NSD2: variants seen among roughly 807,000 people sequenced by gnomAD.
NSD2 encodes histone-lysine N-methyltransferase NSD2.
In NSD2, 12 loss-of-function variants were observed where a neutral mutation model predicts 139.0. That is an observed-to-expected ratio of 0.09 (90% CI 0.06 to 0.14). The LOEUF is 0.14. Ranked by LOEUF, NSD2 falls within the 10% of genes least tolerant of loss-of-function variation. The pLI is 1.00. For missense variants in NSD2, 1,155 were observed against 1,745.0 expected (o/e 0.66, Z 6.02); for synonymous variants, 669 against 648.7 (o/e 1.03, Z -0.48).
rs924326987 is a variant in NSD2, at chr4:1,974,095, C to T, written c.3373-768C>T. Among the ~76,000 whole-genome samples, 1 of 152,206 alleles carries T rather than the reference C, an allele frequency of 6.6e-6. No homozygotes were observed. Among genetic ancestry groups the T allele is most frequent in the African/African-American group, 2.4e-5 (1 of 41,452 alleles). On this transcript the variant is annotated intron_variant, in intron 18 of 21. Coordinates refer to ENST00000508803, the MANE Select transcript of NSD2 (RefSeq NM_001042424.3). The surrounding 1 kb of genome is among the most constrained non-coding windows in gnomAD (Gnocchi z 4.0). ...CTCATCTCAGCCAACGCCACATCAG[C>T]GCCATGGGTGCAAAGTCAGAGCTCA...
intron 1 of NSD2, among the ~76,000 whole-genome samples, chr4:1,876,784 A>C (rs1289673345): frequency 6.6e-6 from 1 of 152,106 alleles, no homozygotes; most frequent in Non-Finnish European, 1.5e-5. Context: ...TTGGAACCTC[A>C]ATTTTTAAGT....
chr4:1,880,786 C>T (rs538708974), intron 1 of NSD2, among the ~76,000 whole-genome samples: 1 of 152,190 alleles, frequency 6.6e-6, no homozygotes, highest in South Asian at 2.1e-4. Flanking sequence ...ATGAAGGGGA[C>T]TGATGACAAG....
At chr4:1,916,736 A>G in intron 3 of NSD2, 135 bp from the exon 4 acceptor site, 1 of 737,332 alleles carries the variant, frequency 1.4e-6, no homozygotes, top group Non-Finnish European at 2.2e-6. Flanking sequence ...GGAAGGGATA[A>G]GAAGTATAGA....
intron 18 of NSD2, among the ~76,000 whole-genome samples, chr4:1,962,399 A>C (rs558647865): frequency 1.3e-5 from 2 of 152,354 alleles, no homozygotes; most frequent in South Asian, 4.1e-4. Context: ...TAATTTGGAC[A>C]GGAGGCTGTT....
chr4:1,961,287 A>C, intron 18 of NSD2, 136 bp downstream of exon 18: 1 of 722,464 alleles, frequency 1.4e-6, no homozygotes, highest in Non-Finnish European at 2.3e-6. Context: ...ACATCTGCAC[A>C]TTTTCTTCTG....
At chr4:1,896,755 TTTCC>T (rs1478919045) in intron 1 of NSD2, among the ~76,000 whole-genome samples, 1 of 150,624 alleles carries the variant, frequency 6.6e-6, no homozygotes, top group African/African-American at 2.4e-5. Flanking sequence ...TCTTTCTTTC[TTTCC>T]TTCTTTCTTC....
chr4:1,889,773 C>G, intron 1 of NSD2, among the ~76,000 whole-genome samples: 1 of 151,998 alleles, frequency 6.6e-6, no homozygotes, highest in Non-Finnish European at 1.5e-5. Context: ...TCCCAAAGTG[C>G]TGGGATTACA....
Position 1,891,339 on chromosome 4 carries a change from T to G in NSD2, c.-29-9287T>G, listed in dbSNP as rs549681950. Among the ~76,000 whole-genome samples the G allele has an allele frequency of 5.9e-5, 9 of 152,332 alleles. No homozygotes were observed. In the East Asian group the frequency reaches 1.3e-3, roughly 23 times the overall value. ...GTAAATCATATTTGCAAACTTGGGTTTTCCATTTCAGTCTTTTCCGCCCCC... is the reference window on the plus strand; with the variant it reads ...GTAAATCATATTTGCAAACTTGGGTGTTCCATTTCAGTCTTTTCCGCCCCC... On this transcript the variant is annotated intron_variant, in intron 1 of 21. Coordinates refer to ENST00000508803, the MANE Select transcript of NSD2 (RefSeq NM_001042424.3).
chr4:1,967,573 G>A (rs1475022435), intron 18 of NSD2, among the ~76,000 whole-genome samples: 1 of 149,462 alleles, frequency 6.7e-6, no homozygotes, highest in Non-Finnish European at 1.5e-5. Context: ...GCGAGACTTT[G>A]TCTCAAAAAA....
rs982293563 is a variant in NSD2 at position 1,981,884 on chromosome 4, G to A, written c.*2975G>A. On this transcript the variant is annotated 3_prime_UTR_variant, in exon 22 of 22. Transcript: ENST00000508803. Reference sequence around the variant, plus strand: ...AGTAGAGTAAAATGCTGTGTCCACGGGGTGTCACAGCCTCACCATACCCTG... The same window carrying A: ...AGTAGAGTAAAATGCTGTGTCCACGAGGTGTCACAGCCTCACCATACCCTG... The A allele has an allele frequency of 3.5e-5, 14 of 398,508 alleles. No individual in the cohort carries two copies. 24.7% of individuals were successfully genotyped at this position (398,508 alleles called of 1,614,324 possible).
chr4:1,901,351 G>T, intron 2 of NSD2, 100 bp downstream of exon 2: 1 of 1,087,040 alleles, frequency 9.2e-7, no homozygotes, highest in Non-Finnish European at 1.3e-6. Flanking sequence ...GGCGGAGAAG[G>T]TGAGGACAGG....
rs1056537644 is a variant in NSD2 at position 1,978,946 on chromosome 4, C to T, written c.*37C>T. On this transcript the variant is annotated 3_prime_UTR_variant, in exon 22 of 22. Coordinates refer to ENST00000508803, the MANE Select transcript of NSD2 (RefSeq NM_001042424.3). ...CGCTTGGCCGGATCCAGGGGCGGTGCAGGGCGGCCGGCCCTGCCTGCGGGA... is the reference window on the plus strand; with the variant it reads ...CGCTTGGCCGGATCCAGGGGCGGTGTAGGGCGGCCGGCCCTGCCTGCGGGA... 6.2e-6 allele frequency: 9 copies of T among 1,455,876 alleles called. No individual in the cohort carries two copies. In the African/African-American group the frequency reaches 1.3e-4, roughly 21 times the overall value. The allele number at this position is 1,455,876 out of a possible 1,614,324, so 90.2% of individuals were successfully genotyped here.
intron 3 of NSD2, 85 bp downstream of exon 3, chr4:1,904,463 A>G (rs965807227): frequency 1.4e-6 from 2 of 1,426,452 alleles, no homozygotes; most frequent in Admixed American, 2.2e-5. Flanking sequence ...TACTCTTTCT[A>G]AATAGCCCTG....
In NSD2 at chr4:1,973,891, C is replaced by T. The variant is rs183834501; in HGVS notation, c.3373-972C>T. 3.3e-5 allele frequency among the ~76,000 whole-genome samples: 5 copies of T among 152,322 alleles called. No individual in the cohort carries two copies. Among genetic ancestry groups the T allele is most frequent in the East Asian group, 1.9e-4 (1 of 5,176 alleles). ...ATCTGGCGGCTCCTCAGGTGGAGGC[C>T]GGGGCCGTCCATTCCCTGCTGCTGG... On this transcript the variant is annotated intron_variant, in intron 18 of 21. Transcript: ENST00000508803. This position sits in a 1 kb window ranked among gnomAD's most constrained non-coding sequence, Gnocchi z 5.5.
At position 1,971,899 on chromosome 4, in the gene NSD2, G is replaced by C. The variant is rs184075552; in HGVS notation, c.3373-2964G>C. Among the ~76,000 whole-genome samples, 517 of 152,342 alleles carry C rather than the reference G, an allele frequency of 3.4e-3. 1 individual carries two copies. The highest frequency in any genetic ancestry group is 0.012 in the African/African-American group (500 of 41,576). On this transcript the variant is annotated intron_variant, in intron 18 of 21. Transcript: ENST00000508803. The stretch of plus-strand genomic sequence containing the variant: ...ACTTCCCAAGAAACCAGGACTACAA[G>C]TATGCTTAGCTTGCTAAAAGACATC...
At position 1,953,446 on chromosome 4, in the gene NSD2, A is replaced by G; in HGVS notation, c.2260A>G (p.Ser754Gly). The G allele has an allele frequency of 6.2e-7, 1 of 1,614,108 alleles. No homozygotes were observed. Among genetic ancestry groups the G allele is most frequent in the Non-Finnish European group, 8.5e-7 (1 of 1,180,022 alleles). Residue 754 changes from serine to glycine, a missense_variant, in exon 12 of 22, where the codon AGC becomes GGC. Transcript: ENST00000508803. ...VKKYPLTVFESRGFRCPLHSC... is the reference protein window; with the variant it reads ...VKKYPLTVFEGRGFRCPLHSC... ...AAAATACCCTCTGACTGTATTTGAG[A>G]GCCGAGGTTTCCGCTGCCCCCTCCA... is the stretch of plus-strand genomic sequence containing the variant.
At chr4:1,899,472 T>G (rs188935057) in intron 1 of NSD2, 10 of 152,322 alleles carry the variant, frequency 6.6e-5, no homozygotes, top group Admixed American at 5.9e-4. Flanking sequence ...AACAAAATCC[T>G]CCCCATTTGA....
Position 1,938,383 on chromosome 4 carries a change from TTTTCCTTTTTTTCTTTTCTTTTTTTTTTC to T in NSD2, c.1675-63_1675-35del. ...TCCTTTTGTTGTTCTTTTTCTTTTT[TTTTCCTTTTTTTCTTTTCTTTTTTTTTTC>T]TTTCTTTTTTTTTTTTTTTTTTTTT... On this transcript the variant is annotated intron_variant, in intron 7 of 21. Transcript: ENST00000508803. 8.8e-6 allele frequency: 11 copies of T among 1,256,898 alleles called. No homozygotes were observed. The Admixed American group carries it at 1.0e-4, about 11-fold the overall frequency. The allele number at this position is 1,256,898 out of a possible 1,614,324, so 77.9% of individuals were successfully genotyped here.
intron 3 of NSD2, among the ~76,000 whole-genome samples, chr4:1,913,461 G>A (rs1344612941): frequency 6.6e-6 from 1 of 152,262 alleles, no homozygotes; most frequent in African/African-American, 2.4e-5. Context: ...TGCTTCAGCG[G>A]TCACGCTCCT....
Sources: allele counts gnomAD v4.1 joint callset (sites outside exome capture counted in the v4.1 genomes callset), GRCh38; gene constraint gnomAD v4.1.1; non-coding constraint Gnocchi (gnomAD v3.1); transcripts MANE v1.5; gene names NCBI Gene and HGNC (gene_info 2026-07-23, HGNC 2026-07-21).